CTNNA2: variants seen among roughly 807,000 people sequenced by gnomAD.
CTNNA2 encodes the protein catenin alpha-2.
In CTNNA2, 42 loss-of-function variants were observed where a neutral mutation model predicts 101.0. The ratio of observed to expected loss-of-function variants is 0.42; its 90% CI spans 0.32 to 0.54. The LOEUF is 0.54. Among genes scored for constraint, CTNNA2 ranks in the 20% least tolerant of loss-of-function variants. The pLI is 0.14. For synonymous variants in CTNNA2, 450 were observed against 456.4 expected, an observed-to-expected ratio of 0.99 and a Z score of 0.18; for missense variants, 871 against 1,223.1, an observed-to-expected ratio of 0.71 and a Z score of 4.29.
chr2:79,699,833 G>A (rs1573719984), intron 2 of CTNNA2, among the ~76,000 whole-genome samples: 1 of 93,110 alleles, frequency 1.1e-5, no homozygotes, highest in Admixed American at 1.0e-4. Flanking sequence ...ACACACACAC[G>A]TGTGTGTATA....
intron 2 of CTNNA2, among the ~76,000 whole-genome samples, chr2:79,740,425 A>T (rs1288092380): frequency 1.3e-5 from 2 of 152,176 alleles, no homozygotes; most frequent in Non-Finnish European, 2.9e-5. Flanking sequence ...TTGGTTAGTT[A>T]TAAGATTTTT....
intron 7 of CTNNA2, among the ~76,000 whole-genome samples, chr2:80,185,581 C>A (rs968405271): frequency 1.3e-5 from 2 of 152,150 alleles, no homozygotes; most frequent in Admixed American, 6.5e-5. Context: ...ATCACAGGAC[C>A]TTTCAGAGTC....
chr2:79,628,495 A>G (rs916200696), intron 1 of CTNNA2, among the ~76,000 whole-genome samples: 2 of 152,098 alleles, frequency 1.3e-5, no homozygotes, highest in Non-Finnish European at 2.9e-5. Context: ...CCGGTTGTCA[A>G]CTGTAGAACA....
intron 18 of CTNNA2, among the ~76,000 whole-genome samples, chr2:80,622,775 C>A (rs796679455): frequency 5.3e-5 from 8 of 151,762 alleles, no homozygotes; most frequent in African/African-American, 1.4e-4. Context: ...CAAGTTATTA[C>A]CTTGGCCATT....
intron 7 of CTNNA2, among the ~76,000 whole-genome samples, chr2:80,188,681 CTGTTG>C (rs1377219882): frequency 6.6e-6 from 1 of 152,174 alleles, no homozygotes; most frequent in Non-Finnish European, 1.5e-5. Context: ...CCTTCTCATA[CTGTTG>C]TCTATCCTGT....
intron 3 of CTNNA2, among the ~76,000 whole-genome samples, chr2:79,810,748 A>G (rs1041363007): frequency 4.0e-5 from 6 of 150,938 alleles, no homozygotes; most frequent in Admixed American, 6.6e-5. Flanking sequence ...TCATTTTTCA[A>G]TTCCCACCTA....
intron 7 of CTNNA2, among the ~76,000 whole-genome samples, chr2:80,096,209 G>C (rs1052257427): frequency 6.6e-6 from 1 of 152,154 alleles, no homozygotes; most frequent in African/African-American, 2.4e-5. Context: ...TTGTGTCTTT[G>C]TTCTCATTGG....
chr2:79,699,788 TACACACACACACACACACAC>T (rs377095429), intron 2 of CTNNA2, among the ~76,000 whole-genome samples: 6 of 119,988 alleles, frequency 5.0e-5, no homozygotes, highest in South Asian at 2.8e-4. Flanking sequence ...AAGAAAAAAA[TACACACACACACACACACAC>T]ACACACACAC....
intron 7 of CTNNA2, among the ~76,000 whole-genome samples, chr2:80,012,579 C>A (rs1693866357): frequency 6.6e-6 from 1 of 152,204 alleles, no homozygotes; most frequent in Non-Finnish European, 1.5e-5. Context: ...CTCAACTCTC[C>A]TGTCATGGCA....
intron 12 of CTNNA2, among the ~76,000 whole-genome samples, chr2:80,567,074 T>C (rs1694127647): frequency 1.3e-5 from 2 of 152,110 alleles, no homozygotes; most frequent in African/African-American, 4.8e-5. Flanking sequence ...GGAAATGAAA[T>C]AGTCACTATT....
chr2:79,288,149 G>A (rs1267633500), intron 2 of CTNNA2, among the ~76,000 whole-genome samples: 1 of 152,190 alleles, frequency 6.6e-6, no homozygotes, highest in African/African-American at 2.4e-5. Flanking sequence ...CCACTGTCTG[G>A]CACTCCCTAG....
intron 1 of CTNNA2, among the ~76,000 whole-genome samples, chr2:79,606,636 T>C (rs1677913373): frequency 6.6e-6 from 1 of 152,122 alleles, no homozygotes; most frequent in African/African-American, 2.4e-5. Flanking sequence ...AAAAGTAAAA[T>C]GTATGCCAGT....
chr2:79,687,018 T>G (rs1031101137), intron 2 of CTNNA2, among the ~76,000 whole-genome samples: 1 of 152,108 alleles, frequency 6.6e-6, no homozygotes, highest in African/African-American at 2.4e-5. Flanking sequence ...GGAAGCCAAA[T>G]CATAGTCAGA....
At chr2:80,259,155 G>A (rs536882382) in intron 7 of CTNNA2, among the ~76,000 whole-genome samples, 2 of 152,118 alleles carry the variant, frequency 1.3e-5, no homozygotes, top group Non-Finnish European at 2.9e-5. Context: ...TTGATTTTGC[G>A]GTTCAACAGT....
At chr2:79,637,193 T>G (rs1033802764) in intron 1 of CTNNA2, among the ~76,000 whole-genome samples, 8 of 152,188 alleles carry the variant, frequency 5.3e-5, no homozygotes, top group African/African-American at 1.9e-4. Flanking sequence ...TATATATTTT[T>G]TATTTTGTAT....
intron 3 of CTNNA2, among the ~76,000 whole-genome samples, chr2:79,791,943 A>T (rs1675304933): frequency 6.6e-6 from 1 of 152,190 alleles, no homozygotes; most frequent in Non-Finnish European, 1.5e-5. Context: ...CTCTACGGAG[A>T]AGGACAGGTG....
intron 7 of CTNNA2, among the ~76,000 whole-genome samples, chr2:80,250,198 A>AGTGTGTGT (rs1447484092): frequency 2.8e-5 from 4 of 142,858 alleles, no homozygotes; most frequent in African/African-American, 1.1e-4. Flanking sequence ...AGAGAGAGAG[A>AGTGTGTGT]GAGAGAGTGT....
chr2:80,127,869 G>C (rs1335655201), intron 7 of CTNNA2, among the ~76,000 whole-genome samples: 1 of 152,114 alleles, frequency 6.6e-6, no homozygotes, highest in Non-Finnish European at 1.5e-5. Context: ...TTGGAGTACA[G>C]GGGGCAGCTA....
intron 2 of CTNNA2, among the ~76,000 whole-genome samples, chr2:79,210,217 CA>C (rs1482262717): frequency 3.3e-5 from 5 of 151,104 alleles, no homozygotes; most frequent in Non-Finnish European, 5.9e-5. Flanking sequence ...ATTAGGTGCC[CA>C]AATAGTATTT....
Sources: gnomAD v4.1 joint callset for allele counts (sites outside exome capture counted in the v4.1 genomes callset) on GRCh38, gnomAD v4.1.1 for gene constraint, MANE v1.5 for transcripts, NCBI Gene and HGNC (gene_info 2026-07-23, HGNC 2026-07-21) for gene names.